The following ESRRB variants were observed in gnomAD, a reference collection of about 807,000 sequenced individuals.
ESRRB encodes the protein steroid hormone receptor ERR2.
In ESRRB, 16 loss-of-function variants were observed where a neutral mutation model predicts 46.0. That is an observed-to-expected ratio of 0.35 (90% CI 0.24 to 0.53). The LOEUF is 0.53. ESRRB is among the 20% of genes least tolerant of loss of function. The pLI is 0.93. For missense variants in ESRRB, 488 were observed against 607.4 expected, an observed-to-expected ratio of 0.80 and a Z score of 2.07; for synonymous variants, 246 against 259.6, an observed-to-expected ratio of 0.95 and a Z score of 0.50.
Position 76,481,919 on chromosome 14 carries a change from C to CT in ESRRB, c.578-96dup, listed in dbSNP as rs11480158. ...TGTCGAAGGTCATCCGAGCAAGGCCCTGAAGGACCCAGCCAGTGCTGAAAT... is the reference window on the plus strand; with the variant it reads ...TGTCGAAGGTCATCCGAGCAAGGCCCTTGAAGGACCCAGCCAGTGCTGAAAT... On this transcript the variant is annotated intron_variant, in intron 3 of 6. Coordinates refer to ENST00000644823, the MANE Select transcript of ESRRB (RefSeq NM_001379180.1). 475,986 of 1,171,218 alleles carry CT rather than the reference C, an allele frequency of 0.41. 100,707 individuals carry two copies. Among genetic ancestry groups the CT allele is most frequent in the East Asian group, 0.7 (27,796 of 39,732 alleles). The allele number at this position is 1,171,218 out of a possible 1,614,324, so 72.6% of individuals were successfully genotyped here.
At chr14:76,340,054 C>T (rs1448261282) in intron 1 of ESRRB, among the ~76,000 whole-genome samples, 1 of 151,980 alleles carries the variant, frequency 6.6e-6, no homozygotes, top group East Asian at 1.9e-4. Context: ...TCAAGCATGC[C>T]ACATCTCTAA....
intron 1 of ESRRB, among the ~76,000 whole-genome samples, chr14:76,357,218 G>A (rs1021285291): frequency 1.3e-5 from 2 of 152,228 alleles, no homozygotes; most frequent in African/African-American, 4.8e-5. Context: ...ATTTTAAGGT[G>A]CAAGGAGGAG....
At chr14:76,414,609 TAATC>T (rs936068377) in intron 1 of ESRRB, among the ~76,000 whole-genome samples, 1 of 138,106 alleles carries the variant, frequency 7.2e-6, no homozygotes, top group African/African-American at 2.7e-5. Context: ...AGCACAGAAA[TAATC>T]AAATTTTACT....
chr14:76,420,150 G>C (rs1886879168), intron 1 of ESRRB, among the ~76,000 whole-genome samples: 1 of 152,166 alleles, frequency 6.6e-6, no homozygotes, highest in Non-Finnish European at 1.5e-5. Context: ...ATGAGCAAAT[G>C]AGCAAAAGGC....
At chr14:76,476,160 G>A (rs183503103) in intron 3 of ESRRB, among the ~76,000 whole-genome samples, 15 of 151,792 alleles carry the variant, frequency 9.9e-5, no homozygotes, top group Admixed American at 5.2e-4. Context: ...CAAGATCTCC[G>A]TCTGCACAGG....
At chr14:76,481,527 C>A (rs1889804584) in intron 3 of ESRRB, among the ~76,000 whole-genome samples, 1 of 152,214 alleles carries the variant, frequency 6.6e-6, no homozygotes, top group African/African-American at 2.4e-5. Flanking sequence ...ATGCTAGAAC[C>A]TCAGAGAGTG....
At chr14:76,324,800 C>T (rs1201073514) in intron 1 of ESRRB, among the ~76,000 whole-genome samples, 3 of 152,148 alleles carry the variant, frequency 2.0e-5, no homozygotes, top group African/African-American at 7.2e-5. Flanking sequence ...CTTCTAAGGA[C>T]AGCAGCTTCC....
intron 1 of ESRRB, among the ~76,000 whole-genome samples, chr14:76,435,522 G>T (rs1595114974): frequency 1.3e-5 from 2 of 152,306 alleles, no homozygotes; most frequent in East Asian, 3.9e-4. Flanking sequence ...ATGCTGAGGA[G>T]GCCAAAATAA....
intron 2 of ESRRB, among the ~76,000 whole-genome samples, chr14:76,452,091 GC>G (rs1328215681): frequency 2.0e-5 from 3 of 151,418 alleles, no homozygotes; most frequent in Non-Finnish European, 4.4e-5. Context: ...ACAGGTGCAT[GC>G]CACCACACCT....
chr14:76,499,821 C>CT lies in ESRRB; in HGVS notation c.*1364dup. On this transcript the variant is annotated 3_prime_UTR_variant, in exon 7 of 7. Transcript: ENST00000644823. The stretch of plus-strand genomic sequence containing the variant: ...CTGTGGATGGCCGTGAAAGTTTTCA[C>CT]TAACTCAAGGGGCAGCCCTGAACAC... 1 of 1,560,342 alleles carries CT rather than the reference C, an allele frequency of 6.4e-7. No homozygotes were observed. The highest frequency in any genetic ancestry group is 1.4e-5 in the African/African-American group (1 of 73,984).
upstream of ESRRB, among the ~76,000 whole-genome samples, chr14:76,373,841 A>G (rs1201724326): frequency 6.6e-6 from 1 of 152,196 alleles, no homozygotes; most frequent in Non-Finnish European, 1.5e-5. Context: ...GGCAGAGAAT[A>G]ATAGTAGGCA....
chr14:76,409,869 C>G (rs978174363), intron 1 of ESRRB, among the ~76,000 whole-genome samples: 1 of 152,056 alleles, frequency 6.6e-6, no homozygotes, highest in African/African-American at 2.4e-5. Context: ...ACCGTACATG[C>G]GATTGCCAAG....
intron 1 of ESRRB, among the ~76,000 whole-genome samples, chr14:76,383,268 C>T (rs538075283): frequency 6.6e-5 from 10 of 152,126 alleles, no homozygotes; most frequent in African/African-American, 2.4e-4. Context: ...TTTTTAATGG[C>T]TTGAATTGGC....
chr14:76,412,372 T>G (rs188890373), intron 1 of ESRRB, among the ~76,000 whole-genome samples: 90 of 152,334 alleles, frequency 5.9e-4, no homozygotes, highest in Non-Finnish European at 7.1e-4. Context: ...ATTTGGAAGA[T>G]GTGGAACAAC....
rs1471825622 is a variant in ESRRB at position 76,500,155 on chromosome 14, G to A, written c.*1697G>A. On this transcript the variant is annotated 3_prime_UTR_variant, in exon 7 of 7. Transcript: ENST00000644823. ...CTCCCGGCCTGGGCTTCTGGGCTGG[G>A]ACGTGCTGAGGTCATCCCAGACAGG... 8.7e-7 allele frequency: 1 copy of A among 1,152,554 alleles called. No homozygotes were observed. Among genetic ancestry groups the A allele is most frequent in the Non-Finnish European group, 1.2e-6 (1 of 807,608 alleles). 71.4% of individuals were successfully genotyped at this position (1,152,554 alleles called of 1,614,324 possible).
chr14:76,409,839 G>T (rs368725756), intron 1 of ESRRB, among the ~76,000 whole-genome samples: 15 of 152,240 alleles, frequency 9.9e-5, no homozygotes, highest in African/African-American at 3.4e-4. Flanking sequence ...AGGGTTTTCT[G>T]TGCAGGTCCT....
At chr14:76,494,230 C>T (rs887785954) in intron 6 of ESRRB, among the ~76,000 whole-genome samples, 3 of 151,716 alleles carry the variant, frequency 2.0e-5, no homozygotes, top group Non-Finnish European at 4.4e-5. Flanking sequence ...ACATTGAATT[C>T]CAAAATTGTA....
chr14:76,338,219 T>C (rs988912660), intron 1 of ESRRB, among the ~76,000 whole-genome samples: 2 of 152,216 alleles, frequency 1.3e-5, no homozygotes, highest in African/African-American at 4.8e-5. Context: ...ATCAAATTAC[T>C]TCTATTTATT....
chr14:76,416,640 T>C lies in ESRRB; in HGVS notation c.51-22701T>C, dbSNP rs143507606. Among the ~76,000 whole-genome samples, 62 of 152,096 alleles carry C rather than the reference T, an allele frequency of 4.1e-4. No homozygotes were observed. The East Asian group carries it at 0.01, about 26-fold the overall frequency. On this transcript the variant is annotated intron_variant, in intron 1 of 6. Coordinates refer to ENST00000644823, the MANE Select transcript of ESRRB (RefSeq NM_001379180.1). ...ACCCACCACCACACCTGGCTAATTT[T>C]GTATTTTTAGTAGAGATGGTGTTTC...
Sources: gnomAD v4.1 joint callset for allele counts (sites outside exome capture counted in the v4.1 genomes callset) on GRCh38, gnomAD v4.1.1 for gene constraint, MANE v1.5 for transcripts, NCBI Gene and HGNC (gene_info 2026-07-23, HGNC 2026-07-21) for gene names.